CAMKK2: variants seen among roughly 807,000 people sequenced by gnomAD.
The protein encoded by CAMKK2 is calcium/calmodulin dependent protein kinase kinase 2.
In CAMKK2, 30 loss-of-function variants were observed where a neutral mutation model predicts 67.2. That is an observed-to-expected ratio of 0.45 (90% CI 0.33 to 0.61). The LOEUF is 0.61. Ranked by LOEUF, CAMKK2 falls within the 20% of genes least tolerant of loss-of-function variation. CAMKK2 has a pLI of 0.02. For missense variants in CAMKK2, 643 were observed against 802.0 expected (o/e 0.80, Z 2.39); for synonymous variants, 322 against 326.2 (o/e 0.99, Z 0.14).
chr12:121,282,029 G>C (rs1354972111), intron 1 of CAMKK2, among the ~76,000 whole-genome samples: 1 of 152,168 alleles, frequency 6.6e-6, no homozygotes, highest in Non-Finnish European at 1.5e-5. Context: ...GAATACCAGA[G>C]GGGACCACTT....
intron 6 of CAMKK2, 30 bp downstream of exon 6, chr12:121,263,776 C>T: frequency 5.1e-6 from 8 of 1,575,494 alleles, no homozygotes; most frequent in African/African-American, 1.3e-5. Context: ...CCAGGGCCTC[C>T]CTCCCTCCTG....
chr12:121,295,517 G>T (rs948264659), intron 1 of CAMKK2, among the ~76,000 whole-genome samples: 2 of 152,182 alleles, frequency 1.3e-5, no homozygotes, highest in Non-Finnish European at 2.9e-5. Flanking sequence ...GGAGCTTATG[G>T]GGACATAAAG....
intron 6 of CAMKK2, among the ~76,000 whole-genome samples, chr12:121,261,185 C>T (rs894127477): frequency 1.3e-5 from 2 of 151,964 alleles, no homozygotes; most frequent in African/African-American, 2.4e-5. Context: ...GTACAGGGCA[C>T]GGCATACAGA....
intron 16 of CAMKK2, among the ~76,000 whole-genome samples, chr12:121,241,706 G>C (rs1338556635): frequency 1.3e-5 from 2 of 152,256 alleles, no homozygotes; most frequent in African/African-American, 4.8e-5. Context: ...CCTTACACAA[G>C]GGAAAGGAAG....
chr12:121,274,780 C>A (rs1896489250), intron 1 of CAMKK2, among the ~76,000 whole-genome samples, 195 bp from the exon 2 acceptor site: 1 of 149,622 alleles, frequency 6.7e-6, no homozygotes, highest in African/African-American at 2.5e-5. Context: ...TATATTTTTT[C>A]TTTTATTATT....
chr12:121,294,304 C>T (rs11065522), intron 1 of CAMKK2, among the ~76,000 whole-genome samples: 4,712 of 152,194 alleles, frequency 0.031, 163 homozygotes, highest in East Asian at 0.19. Context: ...CCCTGACTCC[C>T]GCCCACTAAA....
At chr12:121,289,002 G>A (rs1343316683) in intron 1 of CAMKK2, among the ~76,000 whole-genome samples, 1 of 152,022 alleles carries the variant, frequency 6.6e-6, no homozygotes, top group East Asian at 1.9e-4. Flanking sequence ...CCACTCACCT[G>A]GGACAGGAAC....
chr12:121,240,948 G>A lies in CAMKK2; in HGVS notation c.1597-79C>T, dbSNP rs970100102. 42 of 1,492,358 alleles carry A rather than the reference G, an allele frequency of 2.8e-5. No individual in the cohort carries two copies. In the African/African-American group the frequency reaches 4.9e-4, roughly 17 times the overall value. 92.4% of individuals were successfully genotyped at this position (1,492,358 alleles called of 1,614,324 possible). A position where few individuals can be genotyped will look rare whatever the true frequency, so the allele number is the denominator to read the frequency against. Reference sequence around the variant, plus strand: ...CCTGAGCCAGCTGCTCCCACATCTGGGCCCCCTGCCCAAGTGGGCCGTCGC... The same window carrying A: ...CCTGAGCCAGCTGCTCCCACATCTGAGCCCCCTGCCCAAGTGGGCCGTCGC... On this transcript the variant is annotated intron_variant, in intron 16 of 16. Coordinates refer to ENST00000404169, the MANE Select transcript of CAMKK2 (RefSeq NM_001270485.2). This position sits in a 1 kb window ranked among gnomAD's most constrained non-coding sequence, Gnocchi z 4.4.
intron 14 of CAMKK2, among the ~76,000 whole-genome samples, chr12:121,246,182 T>C (rs1435499218): frequency 6.9e-6 from 1 of 145,724 alleles, no homozygotes; most frequent in East Asian, 2.0e-4. Flanking sequence ...ACTGTGAATG[T>C]CCCAAATGTC....
chr12:121,291,663 G>T (rs1335806354), intron 1 of CAMKK2, among the ~76,000 whole-genome samples: 1 of 152,182 alleles, frequency 6.6e-6, no homozygotes, highest in Non-Finnish European at 1.5e-5. Flanking sequence ...TGGGTACAAG[G>T]TTTCCTCTGG....
chr12:121,296,327 G>C lies in CAMKK2; in HGVS notation c.-60+311C>G, dbSNP rs930624926. 2.8e-4 allele frequency among the ~76,000 whole-genome samples: 42 copies of C among 152,232 alleles called. No individual in the cohort carries two copies. Among genetic ancestry groups the C allele is most frequent in the African/African-American group, 1.0e-3 (42 of 41,552 alleles). On this transcript the variant is annotated intron_variant, in intron 1 of 16. Transcript: ENST00000404169. This position sits in a 1 kb window ranked among gnomAD's most constrained non-coding sequence, Gnocchi z 7.1. ...ACGAACCCTGACGGACCCGGCCCCCGGTGACCCCGGTTCCAAACTCCAGGA... is the reference window on the plus strand; with the variant it reads ...ACGAACCCTGACGGACCCGGCCCCCCGTGACCCCGGTTCCAAACTCCAGGA...
chr12:121,244,028 A>G, intron 16 of CAMKK2: 5 of 1,569,098 alleles, frequency 3.2e-6, no homozygotes, highest in Non-Finnish European at 4.3e-6. Flanking sequence ...GGCTATGTGT[A>G]TGAAGGAAGG....
At chr12:121,254,682 T>C (rs145103903) in intron 9 of CAMKK2, among the ~76,000 whole-genome samples, 38 of 152,286 alleles carry the variant, frequency 2.5e-4, no homozygotes, top group African/African-American at 7.2e-4. Context: ...CTGGTGCACA[T>C]AGAAAGTGCT....
intron 1 of CAMKK2, among the ~76,000 whole-genome samples, chr12:121,277,499 GAATA>G (rs1315691863): frequency 2.0e-5 from 3 of 152,126 alleles, no homozygotes; most frequent in African/African-American, 7.2e-5. Context: ...ACAGACGAAT[GAATA>G]AACAAAATGT....
chr12:121,255,314 TTTTA>T (rs1270539001), intron 9 of CAMKK2, among the ~76,000 whole-genome samples: 117 of 6,070 alleles, frequency 0.019, 14 homozygotes, highest in Non-Finnish European at 0.029. Context: ...TTATATATAA[TTTTA>T]TATATATATA....
At chr12:121,269,396 A>T (rs561071666) in intron 4 of CAMKK2, 132 bp downstream of exon 4, 1 of 727,258 alleles carries the variant, frequency 1.4e-6, no homozygotes, top group South Asian at 1.7e-5. Flanking sequence ...TTCCTTCCTA[A>T]GGCACAAAAT....
chr12:121,265,090 AG>A (rs1894263315), intron 5 of CAMKK2, among the ~76,000 whole-genome samples: 1 of 152,232 alleles, frequency 6.6e-6, no homozygotes, highest in African/African-American at 2.4e-5. Context: ...AGAGGCACTC[AG>A]GCCACCGCTT....
chr12:121,265,255 A>G (rs1384816471), intron 5 of CAMKK2, among the ~76,000 whole-genome samples: 1 of 152,178 alleles, frequency 6.6e-6, no homozygotes, highest in Non-Finnish European at 1.5e-5. Context: ...AGGCAGAAGT[A>G]CAGGTGTCAG....
Position 121,240,794 on chromosome 12 carries a change from C to A in CAMKK2, c.1672G>T (p.Gly558Cys). ...CAGCAACTTTCCACGCAGGGACTGC[C>A]TCTCACAAGAGCACTTCCTCCTCCC... ...RGGGGSALVR[G>C]SPCVESCWAP... is the part of the protein sequence containing the mutation. Residue 558 changes from glycine (G) to cysteine (C), a missense_variant, in exon 17 of 17, where the codon GGC becomes TGC. By Grantham distance (159) the Gly-to-Cys change is radical. Around this residue, in one of 3 missense-constraint regions of CAMKK2, gnomAD observed 140 missense variants for 124.2 expected, o/e 1.13. Coordinates refer to ENST00000404169, the MANE Select transcript of CAMKK2 (RefSeq NM_001270485.2). This position sits in a 1 kb window ranked among gnomAD's most constrained non-coding sequence, Gnocchi z 4.4. The A allele has an allele frequency of 1.2e-6, 2 of 1,610,910 alleles. No individual in the cohort carries two copies. Among genetic ancestry groups the A allele is most frequent in the Non-Finnish European group, 1.7e-6 (2 of 1,179,420 alleles).
Sources: allele counts gnomAD v4.1 joint callset (sites outside exome capture counted in the v4.1 genomes callset), GRCh38; gene constraint gnomAD v4.1.1; regional missense constraint gnomAD v4.1.1; non-coding constraint Gnocchi (gnomAD v3.1); transcripts MANE v1.5; gene names NCBI Gene and HGNC (gene_info 2026-07-23, HGNC 2026-07-21).